The following PHC2 variants were observed in gnomAD, a reference collection of about 807,000 sequenced individuals.
PHC2 encodes polyhomeotic homolog 2.
A neutral mutation model predicts 87.4 loss-of-function variants in PHC2; 29 were observed. The ratio of observed to expected loss-of-function variants is 0.33; its 90% CI spans 0.25 to 0.45. The LOEUF (loss-of-function observed/expected upper bound fraction) is 0.45. Among genes scored for constraint, PHC2 ranks in the 20% least tolerant of loss-of-function variants. The pLI is 1.00. For missense variants in PHC2, 857 were observed against 1,136.7 expected, an observed-to-expected ratio of 0.75 and a Z score of 3.54; for synonymous variants, 438 against 461.7, an observed-to-expected ratio of 0.95 and a Z score of 0.66.
chr1:33,353,499 T>G (rs934421327), intron 9 of PHC2: 10 of 152,280 alleles, frequency 6.6e-5, no homozygotes, highest in African/African-American at 2.4e-4. Context: ...TTTCCTGCTG[T>G]CCTTTCTCCA....
chr1:33,405,391 A>G (rs1649717279), intron 1 of PHC2, among the ~76,000 whole-genome samples: 1 of 152,018 alleles, frequency 6.6e-6, no homozygotes, highest in East Asian at 1.9e-4. Flanking sequence ...GGGTTTCGTC[A>G]TGTTGGCCAG....
chr1:33,386,771 C>G (rs1279405898), intron 1 of PHC2, among the ~76,000 whole-genome samples: 2 of 152,254 alleles, frequency 1.3e-5, no homozygotes, highest in African/African-American at 4.8e-5. Flanking sequence ...ACAAAGCACA[C>G]AGCACACAGT....
In PHC2 at chr1:33,324,601, G is replaced by T. The variant is rs774445528; in HGVS notation, c.*264C>A. ...GGGAAGAGAGCGGGGCTAGAGTATT[G>T]GGACTTTGGAGGAAGCCAGTGCTAT... On this transcript the variant is annotated 3_prime_UTR_variant, in exon 15 of 15. Transcript: ENST00000683057. The T allele has an allele frequency of 5.5e-5, 21 of 380,990 alleles. No individual in the cohort carries two copies. The highest frequency in any genetic ancestry group is 9.5e-5 in the Non-Finnish European group (20 of 210,054). 23.6% of individuals were successfully genotyped at this position (380,990 alleles called of 1,614,324 possible). A position where few individuals can be genotyped will look rare whatever the true frequency, so the allele number is the denominator to read the frequency against.
chr1:33,372,331 G>C lies in PHC2; in HGVS notation c.291C>G (p.His97Gln). ...MLQTAALQQQ[H>Q]LSSAQLQSLA... The stretch of plus-strand genomic sequence containing the variant: ...GGCTCTGGAGCTGGGCGCTGCTGAG[G>C]TGCTGCTGCTGGAGCGCCGCGGTCT... The change falls in exon 3 of 15, where the codon CAC becomes CAG. Residue 97 changes from histidine to glutamine, a missense_variant. His to Gln is a conservative substitution (Grantham distance 24). Coordinates refer to ENST00000683057, the MANE Select transcript of PHC2 (RefSeq NM_001385109.1). The C allele has an allele frequency of 6.2e-7, 1 of 1,602,322 alleles. No homozygotes were observed.
chr1:33,424,891 TG>T (rs1203417453), intron 1 of PHC2, among the ~76,000 whole-genome samples: 1 of 152,200 alleles, frequency 6.6e-6, no homozygotes, highest in Non-Finnish European at 1.5e-5. Context: ...CATGAAATGA[TG>T]AATCAGGCCT....
Position 33,370,604 on chromosome 1 carries a change from G to A in PHC2, c.412-19C>T. Reference sequence around the variant, plus strand: ...GGTTGATCTAATGAGAGAGACATGTGCGGTAGGAGATAGGAGGTTCTGTTG... The same window carrying A: ...GGTTGATCTAATGAGAGAGACATGTACGGTAGGAGATAGGAGGTTCTGTTG... On this transcript the variant is annotated intron_variant, in intron 4 of 14. Coordinates refer to ENST00000683057, the MANE Select transcript of PHC2 (RefSeq NM_001385109.1). 1 of 1,603,910 alleles carries A rather than the reference G, an allele frequency of 6.2e-7. No individual in the cohort carries two copies. Among genetic ancestry groups the A allele is most frequent in the Non-Finnish European group, 8.5e-7 (1 of 1,172,796 alleles).
intron 1 of PHC2, among the ~76,000 whole-genome samples, chr1:33,421,698 C>T (rs764320951): frequency 6.6e-6 from 1 of 152,178 alleles, no homozygotes; most frequent in Non-Finnish European, 1.5e-5. Flanking sequence ...TGTTGTTTCT[C>T]AGTATTTCCA....
Position 33,368,915 on chromosome 1 carries a change from C to G in PHC2, c.577-293G>C, listed in dbSNP as rs1557836744. On this transcript the variant is annotated intron_variant, in intron 5 of 14. Coordinates refer to ENST00000683057, the MANE Select transcript of PHC2 (RefSeq NM_001385109.1). This position sits in a 1 kb window ranked among gnomAD's most constrained non-coding sequence, Gnocchi z 6.6. ...GAGCCGCTCTGGGGCTACACCAAAG[C>G]CGAGTTCCCTTCAGAACCCTCTGTG... Among the ~76,000 whole-genome samples the G allele has an allele frequency of 6.6e-6, 1 of 152,122 alleles. No individual in the cohort carries two copies. The highest frequency in any genetic ancestry group is 1.5e-5 in the Non-Finnish European group (1 of 68,010).
chr1:33,386,352 C>A (rs1426450024), intron 1 of PHC2, among the ~76,000 whole-genome samples: 1 of 151,508 alleles, frequency 6.6e-6, no homozygotes, highest in Non-Finnish European at 1.5e-5. Context: ...CCCGTCTCTA[C>A]TGAAAATACA....
intron 9 of PHC2, 48 bp downstream of exon 9, chr1:33,354,353 G>A: frequency 6.4e-7 from 1 of 1,556,826 alleles, no homozygotes; most frequent in Non-Finnish European, 8.7e-7. Flanking sequence ...GGCATGGCAA[G>A]AAAGGCCAAC....
chr1:33,430,671 C>G (rs1263436916), intron 1 of PHC2, among the ~76,000 whole-genome samples: 1 of 151,902 alleles, frequency 6.6e-6, no homozygotes, highest in Non-Finnish European at 1.5e-5. Context: ...GCCCCAGGCT[C>G]TCCGCAGCCC....
chr1:33,416,584 GAAAAAA>G (rs61591207), intron 1 of PHC2, among the ~76,000 whole-genome samples: 2 of 115,842 alleles, frequency 1.7e-5, no homozygotes, highest in East Asian at 2.6e-4. Context: ...TCAAAAAAAA[GAAAAAA>G]AAAAAAAAAA....
At chr1:33,386,766 G>A (rs574346425) in intron 1 of PHC2, among the ~76,000 whole-genome samples, 4 of 151,878 alleles carry the variant, frequency 2.6e-5, no homozygotes, top group Non-Finnish European at 5.9e-5. Flanking sequence ...CATACACAAA[G>A]CACACAGCAC....
At chr1:33,415,229 G>A (rs1002212785) in intron 1 of PHC2, among the ~76,000 whole-genome samples, 1 of 152,172 alleles carries the variant, frequency 6.6e-6, no homozygotes, top group Non-Finnish European at 1.5e-5. Context: ...CCTCCCTAGA[G>A]TCTTTGACTA....
chr1:33,408,309 G>C (rs967496630), intron 1 of PHC2, among the ~76,000 whole-genome samples: 5 of 152,168 alleles, frequency 3.3e-5, no homozygotes, highest in African/African-American at 1.2e-4. Flanking sequence ...TAAGAAAATA[G>C]TTTGAATTGT....
At chr1:33,407,205 G>A (rs554646262) in intron 1 of PHC2, among the ~76,000 whole-genome samples, 1 of 152,230 alleles carries the variant, frequency 6.6e-6, no homozygotes, top group Non-Finnish European at 1.5e-5. Context: ...ACATAGTCAG[G>A]ATAGTTACTT....
rs1647039600 is a variant in PHC2, at chr1:33,354,847, A to G, written c.1383T>C (p.Ala461=). Residue 461 remains alanine (A), a synonymous_variant, in exon 8 of 15, where the codon GCT becomes GCC. Coordinates refer to ENST00000683057, the MANE Select transcript of PHC2 (RefSeq NM_001385109.1). ...TSAVILQLQP[A]SPVPQQCVPD... ...GGGCTGGCTTACTCACCACTGGTGA[A>G]GCAGGCTGCAGTTGTAAGATGACAG... 6.2e-7 allele frequency: 1 copy of G among 1,613,340 alleles called. No homozygotes were observed. The highest frequency in any genetic ancestry group is 1.1e-5 in the South Asian group (1 of 91,034).
intron 2 of PHC2, among the ~76,000 whole-genome samples, 172 bp downstream of exon 2, chr1:33,375,194 T>G (rs10914693): frequency 0.19 from 29,383 of 152,138 alleles, 2,958 homozygotes; most frequent in South Asian, 0.25. Context: ...TGGGCCATTT[T>G]GCATCCTTCA....
At chr1:33,342,264 G>A (rs1232796425) in intron 9 of PHC2, among the ~76,000 whole-genome samples, 1 of 152,224 alleles carries the variant, frequency 6.6e-6, no homozygotes, top group Non-Finnish European at 1.5e-5. Flanking sequence ...AGAGCTTACT[G>A]GATTTTAAGC....
Sources: allele counts gnomAD v4.1 joint callset (sites outside exome capture counted in the v4.1 genomes callset), GRCh38; gene constraint gnomAD v4.1.1; non-coding constraint Gnocchi (gnomAD v3.1); transcripts MANE v1.5; gene names NCBI Gene and HGNC (gene_info 2026-07-23, HGNC 2026-07-21).